GRID2: variants seen among roughly 807,000 people sequenced by gnomAD.
GRID2 encodes the protein glutamate ionotropic receptor delta type subunit 2.
Under a neutral mutation model 114.8 loss-of-function variants are expected in GRID2, and 33 were observed. That is an observed-to-expected ratio of 0.29 (90% CI 0.22 to 0.38). The LOEUF (loss-of-function observed/expected upper bound fraction) is 0.38, where lower values mean the gene tolerates loss of function less well. GRID2 is among the 10% of genes least tolerant of loss of function. The probability of loss-of-function intolerance (pLI) is 1.00; values close to 1 mark genes in which losing one functional copy is unlikely to be tolerated. For missense variants in GRID2, 1,184 were observed against 1,257.7 expected, an observed-to-expected ratio of 0.94 and a Z score of 0.89; for synonymous variants, 505 against 449.9, an observed-to-expected ratio of 1.12 and a Z score of -1.55.
At chr4:93,323,563 G>C (rs577630804) in intron 8 of GRID2, among the ~76,000 whole-genome samples, 4 of 152,120 alleles carry the variant, frequency 2.6e-5, no homozygotes, top group Non-Finnish European at 5.9e-5. Context: ...CTTTAAAGTA[G>C]TTTTTTCTAA....
chr4:93,257,518 G>A (rs933589191), intron 8 of GRID2, among the ~76,000 whole-genome samples: 1 of 151,564 alleles, frequency 6.6e-6, no homozygotes, highest in Non-Finnish European at 1.5e-5. Flanking sequence ...TACAAATATT[G>A]AGATTGTTTC....
At chr4:92,990,328 T>G (rs1754808684) in intron 2 of GRID2, among the ~76,000 whole-genome samples, 1 of 150,394 alleles carries the variant, frequency 6.6e-6, no homozygotes, top group African/African-American at 2.5e-5. Flanking sequence ...TGTGTGTGTG[T>G]ATAATTTTTT....
At chr4:93,049,549 A>C (rs760309128) in intron 2 of GRID2, among the ~76,000 whole-genome samples, 12 of 151,866 alleles carry the variant, frequency 7.9e-5, no homozygotes, top group Non-Finnish European at 1.3e-4. Context: ...CACAAACTTT[A>C]GGCCACAATT....
At chr4:92,538,534 C>A (rs1402856155) in intron 1 of GRID2, among the ~76,000 whole-genome samples, 1 of 152,098 alleles carries the variant, frequency 6.6e-6, no homozygotes, top group East Asian at 1.9e-4. Flanking sequence ...AAAGCAATTA[C>A]AAAAGGGATA....
At chr4:93,534,406 CT>C (rs932990783) in intron 13 of GRID2, among the ~76,000 whole-genome samples, 2 of 151,972 alleles carry the variant, frequency 1.3e-5, no homozygotes, top group African/African-American at 4.8e-5. Context: ...GTATAGCCAT[CT>C]TTTTTTATAG....
intron 8 of GRID2, among the ~76,000 whole-genome samples, chr4:93,244,420 A>C (rs779631089): frequency 6.6e-6 from 1 of 151,030 alleles, no homozygotes; most frequent in Non-Finnish European, 1.5e-5. Context: ...TAAATTCACA[A>C]AGTCTACAAC....
At position 93,215,927 on chromosome 4, in the gene GRID2, C is replaced by T. The variant is rs377063853; in HGVS notation, c.790-811C>T. ...GTATGTTAATTACAAAGACTTCATT[C>T]GTTGTAAAGGTTCCAAATGAACACT... On this transcript the variant is annotated intron_variant, in intron 5 of 15. Coordinates refer to ENST00000282020, the MANE Select transcript of GRID2 (RefSeq NM_001510.4). Among the ~76,000 whole-genome samples, 82 of 152,032 alleles carry T rather than the reference C, an allele frequency of 5.4e-4. No homozygotes were observed. The South Asian group carries it at 0.014, about 26-fold the overall frequency.
intron 13 of GRID2, among the ~76,000 whole-genome samples, chr4:93,572,470 C>A (rs1329410794): frequency 1.3e-5 from 2 of 151,862 alleles, no homozygotes; most frequent in African/African-American, 4.8e-5. Context: ...ATTTTAGAGA[C>A]CTCATTATAT....
At chr4:93,008,692 C>T (rs1205111443) in intron 2 of GRID2, among the ~76,000 whole-genome samples, 1 of 152,052 alleles carries the variant, frequency 6.6e-6, no homozygotes, top group Non-Finnish European at 1.5e-5. Context: ...ATGCATTTTA[C>T]AATGTGGTAT....
At chr4:93,730,834 A>C (rs373662430) in intron 14 of GRID2, among the ~76,000 whole-genome samples, 2 of 152,228 alleles carry the variant, frequency 1.3e-5, no homozygotes, top group Non-Finnish European at 2.9e-5. Context: ...AAAGGCTCCA[A>C]ACAAAGAGAG....
chr4:92,623,931 A>C (rs1245906511), intron 2 of GRID2, among the ~76,000 whole-genome samples: 2 of 151,854 alleles, frequency 1.3e-5, no homozygotes, highest in African/African-American at 4.8e-5. Flanking sequence ...CACCTAACAC[A>C]CATATACACA....
At chr4:93,116,118 C>A (rs944536716) in intron 4 of GRID2, among the ~76,000 whole-genome samples, 2 of 152,122 alleles carry the variant, frequency 1.3e-5, no homozygotes, top group Non-Finnish European at 2.9e-5. Context: ...CTAGTTATAG[C>A]ACAATTTTAA....
intron 3 of GRID2, among the ~76,000 whole-genome samples, chr4:93,103,089 C>T (rs779749356): frequency 1.2e-4 from 19 of 152,044 alleles, no homozygotes; most frequent in South Asian, 4.2e-4. Flanking sequence ...GAGGGCTTGC[C>T]GCTGACTACC....
intron 2 of GRID2, among the ~76,000 whole-genome samples, chr4:92,870,056 C>T (rs1578352072): frequency 6.6e-6 from 1 of 151,642 alleles, no homozygotes; most frequent in Admixed American, 6.6e-5. Flanking sequence ...AAAAAAATAG[C>T]CAGGCTTGGT....
intron 2 of GRID2, among the ~76,000 whole-genome samples, chr4:92,897,271 C>G (rs569667850): frequency 6.6e-6 from 1 of 152,268 alleles, no homozygotes; most frequent in South Asian, 2.1e-4. Context: ...CCATGTCTCT[C>G]TAAGTTCTCT....
At chr4:92,881,027 C>G (rs997288932) in intron 2 of GRID2, among the ~76,000 whole-genome samples, 6 of 152,088 alleles carry the variant, frequency 3.9e-5, no homozygotes, top group African/African-American at 1.4e-4. Context: ...CTCAGCCTCC[C>G]GAGTAGCTGA....
At chr4:93,350,015 G>C (rs1298825161) in intron 8 of GRID2, among the ~76,000 whole-genome samples, 3 of 151,996 alleles carry the variant, frequency 2.0e-5, no homozygotes, top group Admixed American at 2.0e-4. Context: ...GGTATCAGTG[G>C]CATGTGATAC....
chr4:93,060,373 G>A (rs1017559554), intron 2 of GRID2, among the ~76,000 whole-genome samples: 2 of 152,114 alleles, frequency 1.3e-5, no homozygotes, highest in Admixed American at 1.3e-4. Context: ...CTGACTGCCT[G>A]CTATATTCTG....
At position 92,523,671 on chromosome 4, in the gene GRID2, A is replaced by G. The variant is rs557989210; in HGVS notation, c.89-66460A>G. On this transcript the variant is annotated intron_variant, in intron 1 of 15. Coordinates refer to ENST00000282020, the MANE Select transcript of GRID2 (RefSeq NM_001510.4). Reference sequence around the variant, plus strand: ...TCTGTAAGATAAAGACTGTAAAAGTATGCTAGAAATGAGATCTTGGTGATA... The same window carrying G: ...TCTGTAAGATAAAGACTGTAAAAGTGTGCTAGAAATGAGATCTTGGTGATA... Among the ~76,000 whole-genome samples, 18 of 152,178 alleles carry G rather than the reference A, an allele frequency of 1.2e-4. No individual in the cohort carries two copies. In the South Asian group the frequency reaches 1.2e-3, roughly 11 times the overall value.
Sources: gnomAD v4.1 joint callset for allele counts (sites outside exome capture counted in the v4.1 genomes callset) on GRCh38, gnomAD v4.1.1 for gene constraint, MANE v1.5 for transcripts, NCBI Gene and HGNC (gene_info 2026-07-23, HGNC 2026-07-21) for gene names.